KMT2C: variants seen among roughly 807,000 people sequenced by gnomAD.
KMT2C encodes the protein histone-lysine N-methyltransferase 2C.
In KMT2C, 88 loss-of-function variants were observed where a neutral mutation model predicts 507.9. The observed-to-expected ratio is 0.17, with a 90% CI of 0.15 to 0.21. KMT2C has a LOEUF of 0.21. Among genes scored for constraint, KMT2C ranks in the 10% least tolerant of loss-of-function variants. KMT2C has a pLI of 1.00. For missense variants in KMT2C, 4,954 were observed against 5,957.8 expected (o/e 0.83, Z 5.55); for synonymous variants, 2,049 against 2,080.8 (o/e 0.98, Z 0.42).
intron 8 of KMT2C, among the ~76,000 whole-genome samples, chr7:152,264,329 C>A (rs1225816386): frequency 6.6e-6 from 1 of 152,172 alleles, no homozygotes; most frequent in Admixed American, 6.5e-5. Context: ...AATGAAGATA[C>A]TGGTAACATC....
At chr7:152,206,580 C>A (rs1375455401) in intron 24 of KMT2C, among the ~76,000 whole-genome samples, 1 of 152,058 alleles carries the variant, frequency 6.6e-6, no homozygotes, top group African/African-American at 2.4e-5. Flanking sequence ...TTGTACAAAT[C>A]CAATTTAAAA....
chr7:152,297,081 G>A lies in KMT2C; in HGVS notation c.849+12885C>T, dbSNP rs184231147. Among the ~76,000 whole-genome samples the A allele has an allele frequency of 5.5e-3, 763 of 139,722 alleles. 19 individuals carry two copies. Among genetic ancestry groups the A allele is most frequent in the African/African-American group, 0.015 (532 of 34,396 alleles). The allele number at this position is 139,722 out of a possible 152,430, so 91.7% of individuals were successfully genotyped here. A position where few individuals can be genotyped will look rare whatever the true frequency, so the allele number is the denominator to read the frequency against. ...AGAGAGAGAGAGAGAGAGAGAGAGA[G>A]AGAGAGAGAGAGAAAGAAAGAAAGA... is the stretch of plus-strand genomic sequence containing the variant. On this transcript the variant is annotated intron_variant, in intron 6 of 58. Coordinates refer to ENST00000262189, the MANE Select transcript of KMT2C (RefSeq NM_170606.3).
intron 6 of KMT2C, among the ~76,000 whole-genome samples, chr7:152,284,768 T>A (rs2096269658): frequency 6.6e-6 from 1 of 152,034 alleles, no homozygotes; most frequent in African/African-American, 2.4e-5. Flanking sequence ...ATAACAGACA[T>A]GTCACCAAAG....
Position 152,248,707 on chromosome 7 carries a change from T to G in KMT2C, c.1814-87A>C, listed in dbSNP as rs2095516130. ...AGATATATAAAACATTTGGCTACAC[T>G]AGAACTTAAATCAGAAGGTATTCAT... On this transcript the variant is annotated intron_variant, in intron 13 of 58. Transcript: ENST00000262189. The G allele has an allele frequency of 9.5e-6, 7 of 736,764 alleles. No individual in the cohort carries two copies. In the East Asian group the frequency reaches 1.4e-4, roughly 14 times the overall value. 45.6% of individuals were successfully genotyped at this position (736,764 alleles called of 1,614,324 possible).
intron 6 of KMT2C, among the ~76,000 whole-genome samples, chr7:152,304,828 A>C (rs149595575): frequency 6.6e-6 from 1 of 152,292 alleles, no homozygotes; most frequent in East Asian, 1.9e-4. Flanking sequence ...GGTGGGAGGC[A>C]CTGCACCTAG....
intron 38 of KMT2C, among the ~76,000 whole-genome samples, chr7:152,174,525 G>A (rs2093107597): frequency 6.6e-6 from 1 of 152,076 alleles, no homozygotes; most frequent in Admixed American, 6.6e-5. Context: ...CCAAACTTTT[G>A]CAATGCTAAT....
At position 152,296,997 on chromosome 7, in the gene KMT2C, AAAAGAAAGAAAG is replaced by A. The variant is rs61473498; in HGVS notation, c.849+12957_849+12968del. Among the ~76,000 whole-genome samples, 582 of 58,998 alleles carry A rather than the reference AAAAGAAAGAAAG, an allele frequency of 9.9e-3. 7 individuals are homozygous for A. Among genetic ancestry groups the A allele is most frequent in the Admixed American group, 0.027 (120 of 4,440 alleles). The allele number at this position is 58,998 out of a possible 152,430, so 38.7% of individuals were successfully genotyped here. ...ACCACTAAAAAGAAAGAAAGAAAGA[AAAAGAAAGAAAG>A]AAAGAAAGAAAGAAAGAAAGAAAGA... is the stretch of plus-strand genomic sequence containing the variant. On this transcript the variant is annotated intron_variant, in intron 6 of 58. Transcript: ENST00000262189.
intron 3 of KMT2C, among the ~76,000 whole-genome samples, chr7:152,330,181 GAAAA>G (rs1199518304): frequency 1.3e-4 from 18 of 137,930 alleles, no homozygotes; most frequent in African/African-American, 4.9e-4. Context: ...GGGGGGGGGA[GAAAA>G]AGAAAGAAAA....
chr7:152,321,872 A>T (rs1563854231), intron 3 of KMT2C, among the ~76,000 whole-genome samples: 1 of 151,954 alleles, frequency 6.6e-6, no homozygotes, highest in Non-Finnish European at 1.5e-5. Flanking sequence ...GATTCAATGC[A>T]ATATCTATCG....
At chr7:152,307,009 A>T (rs901393108) in intron 6 of KMT2C, among the ~76,000 whole-genome samples, 1 of 152,050 alleles carries the variant, frequency 6.6e-6, no homozygotes, top group Non-Finnish European at 1.5e-5. Flanking sequence ...AAATTTAAAA[A>T]CTAGTTAGGC....
At chr7:152,365,789 A>C (rs967709796) in intron 1 of KMT2C, among the ~76,000 whole-genome samples, 1 of 152,132 alleles carries the variant, frequency 6.6e-6, no homozygotes, top group African/African-American at 2.4e-5. Flanking sequence ...TTTTATTTCA[A>C]TTGTCTTTCA....
chr7:152,419,256 C>A (rs181231522), intron 1 of KMT2C, among the ~76,000 whole-genome samples: 3 of 152,020 alleles, frequency 2.0e-5, no homozygotes, highest in East Asian at 1.9e-4. Context: ...GAGGCTGAGG[C>A]AGGAGAATCA....
intron 2 of KMT2C, among the ~76,000 whole-genome samples, chr7:152,339,210 G>A (rs964883205): frequency 2.6e-5 from 4 of 152,094 alleles, no homozygotes; most frequent in Middle Eastern, 3.4e-3. Context: ...CTCACTCAAG[G>A]GTTATAGGAT....
intron 2 of KMT2C, among the ~76,000 whole-genome samples, chr7:152,339,760 C>A (rs2096973177): frequency 6.6e-6 from 1 of 151,988 alleles, no homozygotes; most frequent in Non-Finnish European, 1.5e-5. Flanking sequence ...TTTTATAAAC[C>A]AGAGCTACCA....
At chr7:152,346,594 T>C (rs891898795) in intron 2 of KMT2C, among the ~76,000 whole-genome samples, 1 of 152,220 alleles carries the variant, frequency 6.6e-6, no homozygotes, top group Non-Finnish European at 1.5e-5. Flanking sequence ...GGAAAAGTTA[T>C]GGCATTTAAC....
rs1287447847 is a variant in KMT2C at position 152,259,460 on chromosome 7, A to G, written c.1299+3556T>C. Among the ~76,000 whole-genome samples, 82 of 146,272 alleles carry G rather than the reference A, an allele frequency of 5.6e-4. 1 individual carries two copies. Among genetic ancestry groups the G allele is most frequent in the African/African-American group, 1.9e-3 (76 of 39,350 alleles). On this transcript the variant is annotated intron_variant, in intron 9 of 58. Coordinates refer to ENST00000262189, the MANE Select transcript of KMT2C (RefSeq NM_170606.3). ...CACACACACGCGCACACACACACACACACACACACACACACACACACACAC... is the reference window on the plus strand; with the variant it reads ...CACACACACGCGCACACACACACACGCACACACACACACACACACACACAC...
At chr7:152,290,045 C>CAAACA (rs1361353400) in intron 6 of KMT2C, among the ~76,000 whole-genome samples, 1 of 148,114 alleles carries the variant, frequency 6.8e-6, no homozygotes, top group East Asian at 2.0e-4. Context: ...TGTCTCAAAA[C>CAAACA]AAACAAAACA....
intron 1 of KMT2C, among the ~76,000 whole-genome samples, chr7:152,364,934 G>A (rs73730051): frequency 7.2e-6 from 1 of 138,058 alleles, no homozygotes; most frequent in Admixed American, 7.1e-5. Context: ...GAAACAGACA[G>A]ACACACACAC....
chr7:152,310,131 T>A, intron 5 of KMT2C, 56 bp from the exon 6 acceptor site: 1 of 1,184,328 alleles, frequency 8.4e-7, no homozygotes, highest in Non-Finnish European at 1.2e-6. Flanking sequence ...AAATTAAAGC[T>A]AATAAATAAA....
Sources: gnomAD v4.1 joint callset for allele counts (sites outside exome capture counted in the v4.1 genomes callset) on GRCh38, gnomAD v4.1.1 for gene constraint, MANE v1.5 for transcripts, NCBI Gene and HGNC (gene_info 2026-07-23, HGNC 2026-07-21) for gene names.